The following STAU2 variants were observed in gnomAD, a reference collection of about 807,000 sequenced individuals.
The protein encoded by STAU2 is double-stranded RNA-binding protein Staufen homolog 2.
A neutral mutation model predicts 65.9 loss-of-function variants in STAU2; 20 were observed. The ratio of observed to expected loss-of-function variants is 0.30; its 90% CI spans 0.21 to 0.44. The LOEUF is 0.44. STAU2 is among the 20% of genes least tolerant of loss of function. The pLI is 1.00. For missense variants in STAU2, 558 were observed against 683.9 expected (o/e 0.82, Z 2.05); for synonymous variants, 232 against 233.9 (o/e 0.99, Z 0.07).
At chr8:73,741,454 G>C (rs571135798) in intron 1 of STAU2, among the ~76,000 whole-genome samples, 1 of 152,202 alleles carries the variant, frequency 6.6e-6, no homozygotes, top group Non-Finnish European at 1.5e-5. Context: ...ACTGGTGGCT[G>C]ATTCCAAGAA....
At chr8:73,699,330 C>A (rs1265059435) in intron 4 of STAU2, among the ~76,000 whole-genome samples, 3 of 151,132 alleles carry the variant, frequency 2.0e-5, no homozygotes, top group Non-Finnish European at 4.4e-5. Flanking sequence ...AAGATCAGAG[C>A]AGAAATAAAT....
At chr8:73,731,084 T>C (rs1806033516) in intron 3 of STAU2, among the ~76,000 whole-genome samples, 1 of 152,200 alleles carries the variant, frequency 6.6e-6, no homozygotes, top group Non-Finnish European at 1.5e-5. Context: ...ACACGACTAT[T>C]TGAAGCCTTA....
chr8:73,554,840 C>T (rs1358558229), intron 12 of STAU2, among the ~76,000 whole-genome samples: 1 of 152,246 alleles, frequency 6.6e-6, no homozygotes, highest in Non-Finnish European at 1.5e-5. Flanking sequence ...CTGGCTCCTA[C>T]TTATCGCTCT....
At chr8:73,649,869 T>TTATTTTTATATA (rs71269927) in intron 6 of STAU2, among the ~76,000 whole-genome samples, 4 of 71,656 alleles carry the variant, frequency 5.6e-5, no homozygotes, top group Non-Finnish European at 1.1e-4. Context: ...CTATATAATT[T>TTATTTTTATATA]TATATATATA....
At chr8:73,516,007 C>T (rs944019967) in intron 13 of STAU2, among the ~76,000 whole-genome samples, 1 of 148,978 alleles carries the variant, frequency 6.7e-6, no homozygotes, top group Non-Finnish European at 1.5e-5. Context: ...GATCATGACT[C>T]ATTGAAGCCT....
At chr8:73,486,210 G>T (rs532236439) in intron 13 of STAU2, among the ~76,000 whole-genome samples, 1 of 152,124 alleles carries the variant, frequency 6.6e-6, no homozygotes, top group East Asian at 1.9e-4. Context: ...AATCCCAGGG[G>T]CTGCCATTAG....
intron 13 of STAU2, among the ~76,000 whole-genome samples, chr8:73,481,328 T>C (rs1465564450): frequency 1.3e-5 from 2 of 151,916 alleles, no homozygotes; most frequent in South Asian, 2.1e-4. Flanking sequence ...ATTGCCATTA[T>C]AGATGGAGGG....
chr8:73,426,297 A>T (rs1563582768), intron 13 of STAU2, among the ~76,000 whole-genome samples: 1 of 152,066 alleles, frequency 6.6e-6, no homozygotes, highest in Non-Finnish European at 1.5e-5. Flanking sequence ...AACATTTATC[A>T]TTTCTTTTTG....
At chr8:73,639,783 A>G (rs1406033237) in intron 6 of STAU2, among the ~76,000 whole-genome samples, 1 of 152,158 alleles carries the variant, frequency 6.6e-6, no homozygotes, top group Non-Finnish European at 1.5e-5. Flanking sequence ...AAAATTTGCA[A>G]AAGAAAAAAT....
chr8:73,518,727 TTAGATAGAATAATATCTATCCTGTG>T (rs1822877980), intron 13 of STAU2, among the ~76,000 whole-genome samples: 1 of 152,210 alleles, frequency 6.6e-6, no homozygotes, highest in African/African-American at 2.4e-5. Flanking sequence ...AGTCTATTAT[TTAGATAGAATAATATCTATCCTGTG>T]GTGAGAAGCT....
intron 6 of STAU2, among the ~76,000 whole-genome samples, chr8:73,626,046 A>G (rs549486599): frequency 1.3e-4 from 20 of 151,442 alleles, no homozygotes; most frequent in Non-Finnish European, 2.6e-4. Context: ...GACTGCCCTC[A>G]GGAAACTATC....
At position 73,421,455 on chromosome 8, in the gene STAU2, G is replaced by A; in HGVS notation, c.1630C>T (p.His544Tyr). The A allele has an allele frequency of 6.5e-7, 1 of 1,537,268 alleles. No individual in the cohort carries two copies. Among genetic ancestry groups the A allele is most frequent in the Non-Finnish European group, 8.7e-7 (1 of 1,146,914 alleles). Residue 544 changes from histidine (H) to tyrosine (Y), a missense_variant, in exon 15 of 15, where the codon CAT becomes TAT. Physicochemically the swap from His to Tyr is moderately conservative, Grantham distance 83. Around this residue, in one of 3 missense-constraint regions of STAU2, gnomAD observed 247 missense variants for 270.1 expected, o/e 0.91. Coordinates refer to ENST00000524300, the MANE Select transcript of STAU2 (RefSeq NM_001164380.2). ...TTATTGTCCGCTTTCTCTCTCAGAT[G>A]CTTGGCTTGTCTGAAAGATTAATAC... The part of the protein sequence containing the change: ...EKGSLEKQAK[H>Y]LREKADNNQA...
At chr8:73,716,858 C>T (rs1821286178) in intron 3 of STAU2, among the ~76,000 whole-genome samples, 1 of 152,122 alleles carries the variant, frequency 6.6e-6, no homozygotes, top group African/African-American at 2.4e-5. Flanking sequence ...AATCCCAGTA[C>T]TTTGGGAGGC....
At chr8:73,576,398 T>C (rs1211205613) in intron 12 of STAU2, among the ~76,000 whole-genome samples, 1 of 152,054 alleles carries the variant, frequency 6.6e-6, no homozygotes, top group East Asian at 1.9e-4. Context: ...GACGCTATTT[T>C]TCTAAAGTTT....
At chr8:73,674,339 A>C (rs1376390580) in intron 5 of STAU2, among the ~76,000 whole-genome samples, 1 of 152,000 alleles carries the variant, frequency 6.6e-6, no homozygotes, top group Admixed American at 6.6e-5. Flanking sequence ...GAATTATTTC[A>C]AAAGACTTAA....
At position 73,552,133 on chromosome 8, in the gene STAU2, A is replaced by G. The variant is rs202085377; in HGVS notation, c.1409T>C (p.Met470Thr). The change falls in exon 13 of 15, where the codon ATG (methionine) becomes ACG (threonine). Residue 470 changes from methionine to threonine, a missense_variant. By Grantham distance (81) the Met-to-Thr change is moderately conservative. This residue lies in a region of STAU2 where 247 missense variants were observed against 270.1 expected (regional missense o/e 0.91). Coordinates refer to ENST00000524300, the MANE Select transcript of STAU2 (RefSeq NM_001164380.2). ...TTCAGCTGTAGAAGATGTTCCATTC[A>G]TAAGGAGTTCCCTGGCAATTGTAGC... ...SSATIARELL[M>T]NGTSSTAEAI... is the part of the protein sequence containing the mutation. 3.8e-5 allele frequency: 61 copies of G among 1,613,862 alleles called. No individual in the cohort carries two copies. The highest frequency in any genetic ancestry group is 5.1e-5 in the Non-Finnish European group (60 of 1,179,868).
At chr8:73,587,436 G>T (rs1362642656) in intron 11 of STAU2, among the ~76,000 whole-genome samples, 1 of 152,156 alleles carries the variant, frequency 6.6e-6, no homozygotes, top group Non-Finnish European at 1.5e-5. Flanking sequence ...CAGGATAATG[G>T]TGAAGAGAAG....
At position 73,613,845 on chromosome 8, in the gene STAU2, C is replaced by T. The variant is rs746341421; in HGVS notation, c.790G>A (p.Ala264Thr). The part of the protein sequence containing the change: ...GNSKKLSKKR[A>T]ATTVLQELKK... ...AGCTCCTGTAAGACGGTGGTCGCAGCGCGCTTCTTGGAGAGTTTTTTGCTA... is the reference window on the plus strand; with the variant it reads ...AGCTCCTGTAAGACGGTGGTCGCAGTGCGCTTCTTGGAGAGTTTTTTGCTA... Residue 264 changes from alanine to threonine, a missense_variant, in exon 9 of 15, where the codon GCT (alanine) becomes ACT (threonine). Coordinates refer to ENST00000524300, the MANE Select transcript of STAU2 (RefSeq NM_001164380.2). The T allele has an allele frequency of 6.2e-7, 1 of 1,613,550 alleles. No homozygotes were observed.
intron 6 of STAU2, among the ~76,000 whole-genome samples, chr8:73,639,502 A>C (rs1472648445): frequency 6.6e-6 from 1 of 152,092 alleles, no homozygotes; most frequent in Non-Finnish European, 1.5e-5. Context: ...TCCTAAGAAA[A>C]AAAGATAGTA....
Sources: allele counts gnomAD v4.1 joint callset (sites outside exome capture counted in the v4.1 genomes callset), GRCh38; gene constraint gnomAD v4.1.1; regional missense constraint gnomAD v4.1.1; transcripts MANE v1.5; gene names NCBI Gene and HGNC (gene_info 2026-07-23, HGNC 2026-07-21).